Variants in DPP10 observed in about 807,000 individuals in gnomAD.
DPP10 encodes the protein dipeptidyl peptidase like 10, also known as inactive dipeptidyl peptidase 10.
DPP10 carries 33 observed loss-of-function variants against 120.9 expected under a neutral mutation model. The ratio of observed to expected loss-of-function variants is 0.27; its 90% CI spans 0.21 to 0.37. DPP10 has a LOEUF of 0.37. DPP10 is among the 10% of genes least tolerant of loss of function. The pLI, the probability that DPP10 is intolerant of heterozygous loss-of-function variation, is 1.00. For synonymous variants in DPP10, 337 were observed against 326.1 expected, an observed-to-expected ratio of 1.03 and a Z score of -0.36; for missense variants, 816 against 942.8, an observed-to-expected ratio of 0.87 and a Z score of 1.76.
intron 1 of DPP10, among the ~76,000 whole-genome samples, chr2:115,004,567 G>T (rs1011974689): frequency 6.6e-6 from 1 of 152,206 alleles, no homozygotes; most frequent in Admixed American, 6.5e-5. Flanking sequence ...AAGCGCAAGG[G>T]GTCAGGGAGT....
intron 7 of DPP10, among the ~76,000 whole-genome samples, chr2:115,693,730 G>C (rs558091927): frequency 2.6e-5 from 4 of 152,088 alleles, no homozygotes; most frequent in Admixed American, 1.3e-4. Context: ...TAGGTTCCCT[G>C]TTTGAAGCCA....
In DPP10 at chr2:115,021,508, G is replaced by A. The variant is rs148788954; in HGVS notation, c.61-287731G>A. 3.5e-3 allele frequency among the ~76,000 whole-genome samples: 535 copies of A among 152,090 alleles called. 4 individuals carry two copies. The highest frequency in any genetic ancestry group is 0.012 in the African/African-American group (514 of 41,524). On this transcript the variant is annotated intron_variant, in intron 1 of 25. Transcript: ENST00000410059. Reference sequence around the variant, plus strand: ...TGAATATACCAATAAAAAGCAGTGAGATTGAAATGATAATTTAAAAATTGA... The same window carrying A: ...TGAATATACCAATAAAAAGCAGTGAAATTGAAATGATAATTTAAAAATTGA...
At chr2:114,748,342 TTTTTTTTTA>T (rs1406073123) in intron 1 of DPP10, among the ~76,000 whole-genome samples, 1 of 117,144 alleles carries the variant, frequency 8.5e-6, no homozygotes, top group African/African-American at 3.6e-5. Flanking sequence ...AATTTTCTTT[TTTTTTTTTA>T]TTTTTTTTTA....
chr2:115,110,831 T>C (rs759241447), intron 1 of DPP10, among the ~76,000 whole-genome samples: 2 of 152,194 alleles, frequency 1.3e-5, no homozygotes, highest in Non-Finnish European at 2.9e-5. Context: ...TTTTCAAAAG[T>C]TTAATGACAT....
intron 1 of DPP10, among the ~76,000 whole-genome samples, chr2:114,570,628 A>G (rs1033387844): frequency 2.0e-5 from 3 of 151,754 alleles, no homozygotes; most frequent in African/African-American, 7.3e-5. Flanking sequence ...GATCGAGACC[A>G]TCCTGGCTAA....
intron 19 of DPP10, among the ~76,000 whole-genome samples, chr2:115,810,509 C>A (rs1686521406): frequency 6.6e-6 from 1 of 151,932 alleles, no homozygotes; most frequent in Non-Finnish European, 1.5e-5. Flanking sequence ...TTGTTTTATT[C>A]CATTTTTTCT....
chr2:114,559,567 T>G (rs1224961791), intron 1 of DPP10, among the ~76,000 whole-genome samples: 1 of 152,170 alleles, frequency 6.6e-6, no homozygotes, highest in Non-Finnish European at 1.5e-5. Flanking sequence ...AGGAAACTCA[T>G]ACACTTAGTT....
intron 1 of DPP10, among the ~76,000 whole-genome samples, chr2:114,697,975 A>C (rs1408721701): frequency 6.6e-6 from 1 of 152,060 alleles, no homozygotes; most frequent in East Asian, 1.9e-4. Flanking sequence ...TTACAATTCC[A>C]CTGTGACCTG....
chr2:115,427,732 T>C (rs2104744204), intron 3 of DPP10, among the ~76,000 whole-genome samples: 1 of 152,328 alleles, frequency 6.6e-6, no homozygotes, highest in East Asian at 1.9e-4. Context: ...CTTGACTCCC[T>C]TTTAGTTATG....
At chr2:115,657,562 A>G (rs1333229521) in intron 5 of DPP10, among the ~76,000 whole-genome samples, 1 of 151,604 alleles carries the variant, frequency 6.6e-6, no homozygotes, top group Non-Finnish European at 1.5e-5. Flanking sequence ...GCTCTGCTTT[A>G]TCCTGTTATG....
intron 1 of DPP10, among the ~76,000 whole-genome samples, chr2:114,930,936 C>T (rs1012157949): frequency 2.0e-5 from 3 of 152,150 alleles, no homozygotes; most frequent in Admixed American, 1.3e-4. Flanking sequence ...AAAGGATTTA[C>T]CCCCATGTCT....
intron 1 of DPP10, among the ~76,000 whole-genome samples, chr2:114,738,365 C>A (rs1267797845): frequency 1.3e-5 from 2 of 152,194 alleles, no homozygotes; most frequent in African/African-American, 4.8e-5. Flanking sequence ...TTTCAGGGAG[C>A]CTGAGTGCAC....
At chr2:114,716,047 G>A (rs1480184951) in intron 1 of DPP10, among the ~76,000 whole-genome samples, 3 of 150,918 alleles carry the variant, frequency 2.0e-5, no homozygotes, top group African/African-American at 7.3e-5. Flanking sequence ...GGAAATGATT[G>A]TCTTTTTTTT....
At chr2:115,506,112 CCTT>C (rs1351919177) in intron 4 of DPP10, among the ~76,000 whole-genome samples, 2 of 151,842 alleles carry the variant, frequency 1.3e-5, no homozygotes, top group Non-Finnish European at 2.9e-5. Context: ...ATAATTTTTC[CCTT>C]CTTTTGATCT....
rs191973047 is a variant in DPP10 at position 115,372,200 on chromosome 2, G to A, written c.271+28288G>A. ...GTCAAAGAAATATTATTCTCAATAT[G>A]AATTATGAAAGGAGAACAACTTTAA... On this transcript the variant is annotated intron_variant, in intron 3 of 25. Transcript: ENST00000410059. 1.2e-4 allele frequency among the ~76,000 whole-genome samples: 18 copies of A among 152,156 alleles called. No homozygotes were observed. In the East Asian group the frequency reaches 3.3e-3, roughly 28 times the overall value.
chr2:115,400,695 T>C (rs940156252), intron 3 of DPP10, among the ~76,000 whole-genome samples: 1 of 152,074 alleles, frequency 6.6e-6, no homozygotes, highest in African/African-American at 2.4e-5. Context: ...AAACAACATT[T>C]CAAGGCACAT....
At chr2:114,951,564 T>G (rs1697786525) in intron 1 of DPP10, among the ~76,000 whole-genome samples, 1 of 152,178 alleles carries the variant, frequency 6.6e-6, no homozygotes, top group Non-Finnish European at 1.5e-5. Context: ...TAAAACACCC[T>G]AAAGCTAGAG....
intron 5 of DPP10, among the ~76,000 whole-genome samples, chr2:115,622,038 A>G (rs1437820190): frequency 6.6e-6 from 1 of 152,176 alleles, no homozygotes; most frequent in Non-Finnish European, 1.5e-5. Context: ...AAAGTTACTC[A>G]TTTGAAGTAT....
chr2:115,415,640 A>G (rs1199382319), intron 3 of DPP10, among the ~76,000 whole-genome samples: 2 of 151,818 alleles, frequency 1.3e-5, no homozygotes, highest in African/African-American at 4.8e-5. Context: ...TCTCAAATAT[A>G]TGACCTTCCT....
Sources: allele counts gnomAD v4.1 joint callset (sites outside exome capture counted in the v4.1 genomes callset), GRCh38; gene constraint gnomAD v4.1.1; transcripts MANE v1.5; gene names NCBI Gene and HGNC (gene_info 2026-07-23, HGNC 2026-07-21).